MGLL: variants seen among roughly 807,000 people sequenced by gnomAD.
MGLL encodes the protein monoglyceride lipase.
MGLL carries 7 observed loss-of-function variants against 29.1 expected under a neutral mutation model. The ratio of observed to expected loss-of-function variants is 0.24; its 90% CI spans 0.14 to 0.45. MGLL has a LOEUF of 0.45. Ranked by LOEUF, MGLL falls within the 20% of genes least tolerant of loss-of-function variation. The probability of loss-of-function intolerance (pLI) is 0.99; values close to 1 mark genes in which losing one functional copy is unlikely to be tolerated. For synonymous variants in MGLL, 148 were observed against 168.3 expected (o/e 0.88, Z 0.93); for missense variants, 356 against 413.6 (o/e 0.86, Z 1.21).
At chr3:127,798,817 G>A (rs1483016696) in intron 2 of MGLL, among the ~76,000 whole-genome samples, 1 of 152,178 alleles carries the variant, frequency 6.6e-6, no homozygotes, top group Non-Finnish European at 1.5e-5. Context: ...ATCAGTAGGA[G>A]GCTGGGCTCC....
chr3:127,796,880 G>T (rs2077391229), intron 2 of MGLL, among the ~76,000 whole-genome samples: 1 of 152,200 alleles, frequency 6.6e-6, no homozygotes, highest in Admixed American at 6.5e-5. Flanking sequence ...AACAGACGGG[G>T]ACGGAGAGCC....
At chr3:127,723,677 A>G (rs1457617680) in intron 3 of MGLL, among the ~76,000 whole-genome samples, 1 of 151,964 alleles carries the variant, frequency 6.6e-6, no homozygotes, top group Non-Finnish European at 1.5e-5. Context: ...TTTACTTTTT[A>G]CTGTGCTATC....
At chr3:127,733,216 C>T (rs905028500) in intron 3 of MGLL, among the ~76,000 whole-genome samples, 6 of 152,160 alleles carry the variant, frequency 3.9e-5, no homozygotes, top group African/African-American at 9.7e-5. Context: ...GTCTCAACAG[C>T]GCCATGACAG....
At chr3:127,700,650 A>C (rs1241368945) in intron 6 of MGLL, among the ~76,000 whole-genome samples, 1 of 152,208 alleles carries the variant, frequency 6.6e-6, no homozygotes, top group East Asian at 1.9e-4. Flanking sequence ...ATCCAGCCCA[A>C]GAAGTAGCAC....
Position 127,722,649 on chromosome 3 carries a change from G to C in MGLL, c.263-83C>G, listed in dbSNP as rs1047951892. ...GCCCAGAGTTCTCCTCACTGCAATCGCTCTCTCTCCTGAGCGCCTGAATGT... is the reference window on the plus strand; with the variant it reads ...GCCCAGAGTTCTCCTCACTGCAATCCCTCTCTCTCCTGAGCGCCTGAATGT... On this transcript the variant is annotated intron_variant, in intron 3 of 7. Transcript: ENST00000265052. 9.5e-6 allele frequency: 15 copies of C among 1,578,218 alleles called. No individual in the cohort carries two copies. In the East Asian group the frequency reaches 2.2e-4, roughly 24 times the overall value.
chr3:127,760,846 A>G (rs1261172409), intron 3 of MGLL, among the ~76,000 whole-genome samples: 1 of 152,242 alleles, frequency 6.6e-6, no homozygotes, highest in Admixed American at 6.5e-5. Context: ...ATCAGGCAGC[A>G]TCTCTGAGCT....
intron 3 of MGLL, among the ~76,000 whole-genome samples, chr3:127,730,196 C>T (rs1187638595): frequency 6.6e-6 from 1 of 152,194 alleles, no homozygotes; most frequent in Admixed American, 6.5e-5. Context: ...GAGACTGTTG[C>T]TGCCTTTGAA....
intron 2 of MGLL, among the ~76,000 whole-genome samples, chr3:127,782,702 G>A (rs2077148435): frequency 6.6e-6 from 1 of 152,216 alleles, no homozygotes; most frequent in African/African-American, 2.4e-5. Context: ...CGGAGTAAAT[G>A]CCATGAGCGA....
intron 2 of MGLL, among the ~76,000 whole-genome samples, chr3:127,783,143 CAAA>C (rs72041528): frequency 7.8e-5 from 5 of 63,946 alleles, no homozygotes; most frequent in East Asian, 5.8e-4. Context: ...GACTCTGTCT[CAAA>C]AAAAAAAAAA....
chr3:127,764,983 C>T (rs2076831118), intron 3 of MGLL, among the ~76,000 whole-genome samples: 1 of 152,176 alleles, frequency 6.6e-6, no homozygotes, highest in South Asian at 2.1e-4. Flanking sequence ...CCCAGAGTCA[C>T]ATAGCAAATA....
chr3:127,736,775 G>A (rs866538121), intron 3 of MGLL, among the ~76,000 whole-genome samples: 1 of 152,154 alleles, frequency 6.6e-6, no homozygotes, highest in Non-Finnish European at 1.5e-5. Flanking sequence ...GCTCACTGCA[G>A]CCTCGACCTC....
chr3:127,768,961 C>T (rs935539646), intron 3 of MGLL, among the ~76,000 whole-genome samples: 1 of 152,242 alleles, frequency 6.6e-6, no homozygotes, highest in African/African-American at 2.4e-5. Context: ...CAGAATCACA[C>T]TTTGAGAACC....
intron 3 of MGLL, among the ~76,000 whole-genome samples, chr3:127,758,768 T>C (rs956432127): frequency 2.6e-5 from 4 of 152,214 alleles, no homozygotes; most frequent in Non-Finnish European, 5.9e-5. Context: ...CGATTTTTCA[T>C]ATCATGACAA....
Position 127,722,570 on chromosome 3 carries a change from G to A in MGLL, c.263-4C>T, listed in dbSNP as rs2075950354. On this transcript the variant is annotated splice_polypyrimidine_tract_variant and splice_region_variant and intron_variant, in intron 3 of 7. Coordinates refer to ENST00000265052, the MANE Select transcript of MGLL (RefSeq NM_007283.7). ...CCTTCGCTCTGTCCGTGGCCAACTG[G>A]AAAGGAACGGGAGATGAGAGAGAGC... 6.2e-7 allele frequency: 1 copy of A among 1,614,244 alleles called. No homozygotes were observed. The highest frequency in any genetic ancestry group is 8.5e-7 in the Non-Finnish European group (1 of 1,180,054).
chr3:127,775,872 C>T (rs2077028047), intron 3 of MGLL, among the ~76,000 whole-genome samples: 1 of 152,206 alleles, frequency 6.6e-6, no homozygotes, highest in African/African-American at 2.4e-5. Context: ...CTGGGTGGGT[C>T]CATGTGTGCC....
rs549114334 is a variant in MGLL, at chr3:127,810,216, C to T, written c.155+11478G>A. On this transcript the variant is annotated intron_variant, in intron 2 of 7. Coordinates refer to ENST00000265052, the MANE Select transcript of MGLL (RefSeq NM_007283.7). Reference sequence around the variant, plus strand: ...CTTCAGGAGAAATCAACCCTGTTGACGCCTTGATCTTGGACTTCTAGGCTC... The same window carrying T: ...CTTCAGGAGAAATCAACCCTGTTGATGCCTTGATCTTGGACTTCTAGGCTC... Among the ~76,000 whole-genome samples the T allele has an allele frequency of 5.3e-5, 8 of 152,106 alleles. No homozygotes were observed. The East Asian group carries it at 9.7e-4, about 18-fold the overall frequency.
chr3:127,812,099 G>A (rs560872451), intron 2 of MGLL, among the ~76,000 whole-genome samples: 4 of 152,338 alleles, frequency 2.6e-5, no homozygotes, highest in East Asian at 1.9e-4. Context: ...TAATCAGGAC[G>A]AAAGGAAAAA....
At chr3:127,793,734 G>T (rs943751617) in intron 2 of MGLL, among the ~76,000 whole-genome samples, 6 of 152,026 alleles carry the variant, frequency 3.9e-5, no homozygotes, top group Non-Finnish European at 8.8e-5. Flanking sequence ...GCTAATTTTT[G>T]TATTTTTAGT....
chr3:127,692,093 G>GATTTT lies in MGLL; in HGVS notation c.*100_*104dup, dbSNP rs2075256699. Reference sequence around the variant, plus strand: ...TGTGCTAAGGATTTCTCCAATTTCTGATTTTTTTTTTTTTTTTTTTTTGGC... The same window carrying GATTTT: ...TGTGCTAAGGATTTCTCCAATTTCTGATTTTATTTTTTTTTTTTTTTTTTTTTGGC... On this transcript the variant is annotated 3_prime_UTR_variant, in exon 8 of 8. Coordinates refer to ENST00000265052, the MANE Select transcript of MGLL (RefSeq NM_007283.7). 2 of 1,107,424 alleles carry GATTTT rather than the reference G, an allele frequency of 1.8e-6. No individual in the cohort carries two copies. Among genetic ancestry groups the GATTTT allele is most frequent in the East Asian group, 5.5e-5 (2 of 36,162 alleles). The allele number at this position is 1,107,424 out of a possible 1,614,324, so 68.6% of individuals were successfully genotyped here. A position where few individuals can be genotyped will look rare whatever the true frequency, so the allele number is the denominator to read the frequency against.
Sources: gnomAD v4.1 joint callset for allele counts (sites outside exome capture counted in the v4.1 genomes callset) on GRCh38, gnomAD v4.1.1 for gene constraint, MANE v1.5 for transcripts, NCBI Gene and HGNC (gene_info 2026-07-23, HGNC 2026-07-21) for gene names.